The following PLCL1 variants were observed in gnomAD, a reference collection of about 807,000 sequenced individuals.
PLCL1 encodes the protein inactive phospholipase C-like protein 1.
Under a neutral mutation model 84.4 loss-of-function variants are expected in PLCL1, and 41 were observed. That is an observed-to-expected ratio of 0.49 (90% confidence interval 0.38 to 0.63). The LOEUF (loss-of-function observed/expected upper bound fraction) is 0.63. PLCL1 is among the 30% of genes least tolerant of loss of function. PLCL1 has a pLI of 0.00. For synonymous variants in PLCL1, 490 were observed against 488.3 expected, an observed-to-expected ratio of 1.00 and a Z score of -0.05; for missense variants, 1,206 against 1,367.8, an observed-to-expected ratio of 0.88 and a Z score of 1.87.
At chr2:197,912,442 G>A (rs1574945155) in intron 1 of PLCL1, among the ~76,000 whole-genome samples, 1 of 151,942 alleles carries the variant, frequency 6.6e-6, no homozygotes, top group South Asian at 2.1e-4. Context: ...TCCCATTACT[G>A]GGTATATACC....
intron 1 of PLCL1, among the ~76,000 whole-genome samples, chr2:197,963,478 G>T (rs1412378423): frequency 6.6e-6 from 1 of 152,040 alleles, no homozygotes; most frequent in African/African-American, 2.4e-5. Context: ...ACATACTCTG[G>T]TTATTAATCC....
chr2:198,084,200 C>T lies in PLCL1; in HGVS notation c.683C>T (p.Pro228Leu). ...TACCTGGTTTCTCGAAGTAAGCAGC[C>T]TCTTGATTTTATGGAGGGCAACCAG... ...LRYLVSRSKQ[P>L]LDFMEGNQNT... Residue 228 changes from proline to leucine, a missense_variant, in exon 2 of 6, where the codon CCT (proline) becomes CTT (leucine). By Grantham distance (98) the Pro-to-Leu change is moderately conservative. Coordinates refer to ENST00000428675, the MANE Select transcript of PLCL1 (RefSeq NM_006226.4). 6.2e-7 allele frequency: 1 copy of T among 1,614,062 alleles called. No individual in the cohort carries two copies. The highest frequency in any genetic ancestry group is 8.5e-7 in the Non-Finnish European group (1 of 1,179,992).
At chr2:197,983,755 C>A (rs1690166054) in intron 1 of PLCL1, among the ~76,000 whole-genome samples, 2 of 152,194 alleles carry the variant, frequency 1.3e-5, no homozygotes, top group Admixed American at 1.3e-4. Flanking sequence ...AAAGATGGAA[C>A]TTTGTGGCTA....
At chr2:198,038,844 CAAAAAAAA>C (rs11299150) in intron 1 of PLCL1, among the ~76,000 whole-genome samples, 2 of 120,422 alleles carry the variant, frequency 1.7e-5, no homozygotes, top group South Asian at 2.7e-4. Flanking sequence ...CATTAAAGGT[CAAAAAAAA>C]AAAAAAAAGA....
In PLCL1 at chr2:197,840,482, A is replaced by G. The variant is rs1686973547; in HGVS notation, c.240+35143A>G. ...TGTAGGCTTGTTCACTAACTTCTCCATTTCATCATCAGAAGCTCACCCTTT... is the reference window on the plus strand; with the variant it reads ...TGTAGGCTTGTTCACTAACTTCTCCGTTTCATCATCAGAAGCTCACCCTTT... On this transcript the variant is annotated intron_variant, in intron 1 of 5. Transcript: ENST00000428675. Among the ~76,000 whole-genome samples, 3 of 151,876 alleles carry G rather than the reference A, an allele frequency of 2.0e-5. No homozygotes were observed. The South Asian group carries it at 6.2e-4, about 32-fold the overall frequency.
intron 1 of PLCL1, among the ~76,000 whole-genome samples, chr2:198,015,425 C>G (rs894383674): frequency 3.3e-5 from 5 of 152,094 alleles, no homozygotes; most frequent in African/African-American, 1.2e-4. Flanking sequence ...AAAGTAGTCA[C>G]TTAAAAATCA....
At chr2:198,095,454 CAGAA>C (rs1229646298) in intron 3 of PLCL1, among the ~76,000 whole-genome samples, 1 of 152,120 alleles carries the variant, frequency 6.6e-6, no homozygotes, top group Non-Finnish European at 1.5e-5. Flanking sequence ...AAATTGGTTA[CAGAA>C]AGAGTTACTT....
chr2:197,848,484 A>G (rs918602202), intron 1 of PLCL1, among the ~76,000 whole-genome samples: 3 of 152,146 alleles, frequency 2.0e-5, no homozygotes, highest in African/African-American at 7.2e-5. Context: ...TAGAGTGTAA[A>G]TGTACTTCTT....
At chr2:197,968,659 G>T (rs1023991058) in intron 1 of PLCL1, among the ~76,000 whole-genome samples, 1 of 152,100 alleles carries the variant, frequency 6.6e-6, no homozygotes, top group African/African-American at 2.4e-5. Flanking sequence ...AATCAGAATG[G>T]TCTGTTTCTC....
intron 5 of PLCL1, among the ~76,000 whole-genome samples, chr2:198,126,582 A>G (rs958080528): frequency 6.6e-6 from 1 of 152,078 alleles, no homozygotes; most frequent in Non-Finnish European, 1.5e-5. Flanking sequence ...AGGTGCTCAC[A>G]TTCATTTCAC....
chr2:197,923,813 G>C (rs1212070309), intron 1 of PLCL1, among the ~76,000 whole-genome samples: 2 of 152,014 alleles, frequency 1.3e-5, no homozygotes, highest in Non-Finnish European at 2.9e-5. Flanking sequence ...AGGCGGCTGG[G>C]AGGTGTAGGT....
chr2:197,805,548 G>T lies in PLCL1; in HGVS notation c.240+209G>T, dbSNP rs376660893. 6.6e-6 allele frequency among the ~76,000 whole-genome samples: 1 copy of T among 152,124 alleles called. No homozygotes were observed. Among genetic ancestry groups the T allele is most frequent in the African/African-American group, 2.4e-5 (1 of 41,436 alleles). On this transcript the variant is annotated intron_variant, in intron 1 of 5. Coordinates refer to ENST00000428675, the MANE Select transcript of PLCL1 (RefSeq NM_006226.4). This position sits in a 1 kb window ranked among gnomAD's most constrained non-coding sequence, Gnocchi z 4.0. ...CAAGTGACTTTTTCTCCCCACTGACGGCAGAGGAAAAGTTCCGCTCTGCGT... is the reference window on the plus strand; with the variant it reads ...CAAGTGACTTTTTCTCCCCACTGACTGCAGAGGAAAAGTTCCGCTCTGCGT...
Position 198,146,998 on chromosome 2 carries a change from A to T in PLCL1, c.*36A>T. 1 of 1,511,076 alleles carries T rather than the reference A, an allele frequency of 6.6e-7. No homozygotes were observed. Among genetic ancestry groups the T allele is most frequent in the Non-Finnish European group, 8.9e-7 (1 of 1,119,084 alleles). 93.6% of individuals were successfully genotyped at this position (1,511,076 alleles called of 1,614,324 possible). On this transcript the variant is annotated 3_prime_UTR_variant, in exon 6 of 6. Coordinates refer to ENST00000428675, the MANE Select transcript of PLCL1 (RefSeq NM_006226.4). Reference sequence around the variant, plus strand: ...TATCGACACGTTCACCCATCTTATCAAGGACTCTGGTTTCTCATTCTTGTT... The same window carrying T: ...TATCGACACGTTCACCCATCTTATCTAGGACTCTGGTTTCTCATTCTTGTT...
chr2:197,947,174 G>C (rs920229471), intron 1 of PLCL1, among the ~76,000 whole-genome samples: 32 of 151,010 alleles, frequency 2.1e-4, no homozygotes, highest in African/African-American at 7.6e-4. Flanking sequence ...AAGAATTTCA[G>C]ATGACTGCTA....
intron 1 of PLCL1, chr2:197,810,119 T>G (rs1690554714): frequency 4.1e-6 from 1 of 246,320 alleles, no homozygotes. Context: ...CCTCCCGAGA[T>G]GTGATTTGGC....
intron 5 of PLCL1, among the ~76,000 whole-genome samples, chr2:198,105,359 T>A (rs907628538): frequency 1.3e-5 from 2 of 152,030 alleles, no homozygotes; most frequent in African/African-American, 2.4e-5. Context: ...CTCTCTATTC[T>A]GTTCCATTGG....
chr2:198,021,103 A>G (rs1180908179), intron 1 of PLCL1, among the ~76,000 whole-genome samples: 1 of 152,186 alleles, frequency 6.6e-6, no homozygotes, highest in Non-Finnish European at 1.5e-5. Flanking sequence ...CTCACTCAAA[A>G]CCAAACTACT....
chr2:197,865,666 A>G (rs1054391505), intron 1 of PLCL1, among the ~76,000 whole-genome samples: 18 of 151,666 alleles, frequency 1.2e-4, no homozygotes, highest in African/African-American at 4.3e-4. Context: ...TAGATGAAAC[A>G]TATCAGTGGA....
At chr2:197,831,205 TA>T (rs1691051624) in intron 1 of PLCL1, among the ~76,000 whole-genome samples, 1 of 151,994 alleles carries the variant, frequency 6.6e-6, no homozygotes, top group African/African-American at 2.4e-5. Flanking sequence ...ATACCCCAAT[TA>T]AAAGACACAG....
Sources: gnomAD v4.1 joint callset for allele counts (sites outside exome capture counted in the v4.1 genomes callset) on GRCh38, gnomAD v4.1.1 for gene constraint, Gnocchi (gnomAD v3.1) non-coding constraint, MANE v1.5 for transcripts, NCBI Gene and HGNC (gene_info 2026-07-23, HGNC 2026-07-21) for gene names.